Variants in EFCAB14 observed in about 807,000 individuals in gnomAD.
EFCAB14 encodes EF-hand calcium binding domain 14.
EFCAB14 carries 43 observed loss-of-function variants against 56.5 expected under a neutral mutation model. That is an observed-to-expected ratio of 0.76 (90% confidence interval 0.60 to 0.98). The LOEUF (loss-of-function observed/expected upper bound fraction) is 0.98, where lower values mean the gene tolerates loss of function less well. Among genes scored for constraint, EFCAB14 ranks in the 50% least tolerant of loss-of-function variants. EFCAB14 has a pLI of 0.00. For missense variants in EFCAB14, 538 were observed against 580.3 expected (o/e 0.93, Z 0.75); for synonymous variants, 235 against 212.9 (o/e 1.10, Z -0.90).
intron 4 of EFCAB14, among the ~76,000 whole-genome samples, chr1:46,694,470 A>G (rs1289182427): frequency 3.3e-5 from 5 of 152,250 alleles, no homozygotes; most frequent in Non-Finnish European, 7.3e-5. Context: ...CAACAGACAC[A>G]TGAAAAAATG....
intron 3 of EFCAB14, among the ~76,000 whole-genome samples, chr1:46,700,021 C>G (rs1677132553): frequency 6.6e-6 from 1 of 152,162 alleles, no homozygotes; most frequent in Non-Finnish European, 1.5e-5. Flanking sequence ...AGTGAGGAAC[C>G]TCCAGCCCCA....
intron 2 of EFCAB14, among the ~76,000 whole-genome samples, chr1:46,712,827 G>A (rs1677328843): frequency 6.7e-6 from 1 of 149,388 alleles, no homozygotes; most frequent in Non-Finnish European, 1.5e-5. Context: ...GGCCAACAAG[G>A]TGAAACCCTG....
At chr1:46,694,471 T>A (rs1331508698) in intron 4 of EFCAB14, among the ~76,000 whole-genome samples, 6 of 152,090 alleles carry the variant, frequency 3.9e-5, no homozygotes, top group Non-Finnish European at 5.9e-5. Flanking sequence ...AACAGACACA[T>A]GAAAAAATGC....
intron 4 of EFCAB14, among the ~76,000 whole-genome samples, chr1:46,692,812 TTCTC>T (rs1388782078): frequency 2.6e-4 from 40 of 152,220 alleles, no homozygotes; most frequent in African/African-American, 9.4e-4. Context: ...ACAGGACTCT[TTCTC>T]TATCAATCAA....
At chr1:46,681,948 C>T (rs899481241) in intron 10 of EFCAB14, among the ~76,000 whole-genome samples, 1 of 151,698 alleles carries the variant, frequency 6.6e-6, no homozygotes, top group Non-Finnish European at 1.5e-5. Context: ...CACTTCCCCT[C>T]CTCCCCAGAA....
At chr1:46,693,079 TG>T (rs928433309) in intron 4 of EFCAB14, among the ~76,000 whole-genome samples, 1 of 151,848 alleles carries the variant, frequency 6.6e-6, no homozygotes, top group African/African-American at 2.4e-5. Context: ...ACTGCAGAGA[TG>T]AAAAAAAAGT....
chr1:46,694,443 G>C (rs531199385), intron 4 of EFCAB14, among the ~76,000 whole-genome samples: 1 of 152,310 alleles, frequency 6.6e-6, no homozygotes, highest in South Asian at 2.1e-4. Context: ...CTTCTCAAAA[G>C]AAGACATTTA....
chr1:46,705,713 C>T (rs376977681), intron 3 of EFCAB14, among the ~76,000 whole-genome samples: 44 of 152,244 alleles, frequency 2.9e-4, no homozygotes, highest in African/African-American at 8.7e-4. Context: ...CTGAAATAAA[C>T]GGATAAATAT....
rs563573200 is a variant in EFCAB14 at position 46,689,307 on chromosome 1, G to C, written c.795+280C>G. Among the ~76,000 whole-genome samples, 38 of 152,186 alleles carry C rather than the reference G, an allele frequency of 2.5e-4. 1 individual carries two copies. The highest frequency in any genetic ancestry group is 7.0e-4 in the African/African-American group (29 of 41,524). On this transcript the variant is annotated intron_variant, in intron 6 of 10. Coordinates refer to ENST00000371933, the MANE Select transcript of EFCAB14 (RefSeq NM_014774.3). ...GCCCAGATAGCTATTTTTTCATAAA[G>C]AGTTTCAGGATAATCTGCTCATTCT...
At position 46,678,221 on chromosome 1, in the gene EFCAB14, A is replaced by G. The variant is rs1365918493; in HGVS notation, c.*240T>C. ...GAGGGCTTTAATTTTTTTTCTGGCA[A>G]TTTTAAAATGTAAGATCTTACTGGT... On this transcript the variant is annotated 3_prime_UTR_variant, in exon 11 of 11. Transcript: ENST00000371933. 1.2e-5 allele frequency: 4 copies of G among 346,714 alleles called. No homozygotes were observed. Among genetic ancestry groups the G allele is most frequent in the Admixed American group, 4.8e-5 (1 of 20,886 alleles). 21.5% of individuals were successfully genotyped at this position (346,714 alleles called of 1,614,324 possible). A position where few individuals can be genotyped will look rare whatever the true frequency, so the allele number is the denominator to read the frequency against.
Position 46,678,482 on chromosome 1 carries a change from T to G in EFCAB14, c.1467A>C (p.Leu489=). Residue 489 remains leucine, a synonymous_variant, in exon 11 of 11, where the codon CTA becomes CTC. Coordinates refer to ENST00000371933, the MANE Select transcript of EFCAB14 (RefSeq NM_014774.3). ...DGDGRYSFLE[L]RVALGI is the part of the protein sequence containing the mutation. ...GAAGCTAGATACCTAAAGCTACCCT[T>G]AGCTCCAGGAATGAGTATCTTCCAT... The G allele has an allele frequency of 6.2e-7, 1 of 1,614,170 alleles. No individual in the cohort carries two copies. The highest frequency in any genetic ancestry group is 8.5e-7 in the Non-Finnish European group (1 of 1,180,032).
Position 46,678,225 on chromosome 1 carries a change from T to A in EFCAB14, c.*236A>T. The A allele has an allele frequency of 2.8e-6, 1 of 354,298 alleles. No individual in the cohort carries two copies. The allele number at this position is 354,298 out of a possible 1,614,324, so 21.9% of individuals were successfully genotyped here. On this transcript the variant is annotated 3_prime_UTR_variant, in exon 11 of 11. Coordinates refer to ENST00000371933, the MANE Select transcript of EFCAB14 (RefSeq NM_014774.3). ...GCTTTAATTTTTTTTCTGGCAATTT[T>A]AAAATGTAAGATCTTACTGGTTGTA...
chr1:46,695,241 T>C (rs1446486909), intron 4 of EFCAB14, among the ~76,000 whole-genome samples: 1 of 152,116 alleles, frequency 6.6e-6, no homozygotes, highest in Non-Finnish European at 1.5e-5. Context: ...ATAAACCAGT[T>C]TCCTTTTCTA....
intron 2 of EFCAB14, among the ~76,000 whole-genome samples, chr1:46,709,990 AAAAC>A (rs561833330): frequency 6.6e-5 from 10 of 152,296 alleles, no homozygotes; most frequent in East Asian, 3.9e-4. Flanking sequence ...CTCCATCTCA[AAAAC>A]AAACAAACAA....
intron 2 of EFCAB14, among the ~76,000 whole-genome samples, chr1:46,709,106 A>C (rs1677272857): frequency 6.6e-6 from 1 of 152,176 alleles, no homozygotes; most frequent in African/African-American, 2.4e-5. Context: ...TCATTTGTTC[A>C]TGTGCTATTT....
At chr1:46,716,614 A>C (rs1677399453) in intron 1 of EFCAB14, among the ~76,000 whole-genome samples, 171 bp from the exon 2 acceptor site, 1 of 152,250 alleles carries the variant, frequency 6.6e-6, no homozygotes, top group Non-Finnish European at 1.5e-5. Flanking sequence ...TGACCTATTA[A>C]GGGTTCATCT....
intron 10 of EFCAB14, among the ~76,000 whole-genome samples, chr1:46,679,602 T>G (rs1458031211): frequency 2.7e-4 from 11 of 40,908 alleles, no homozygotes; most frequent in Admixed American, 6.0e-4. Flanking sequence ...CACGCCTGTT[T>G]TTTTTTTTTT....
rs747716183 is a variant in EFCAB14, at chr1:46,689,638, A to G, written c.744T>C (p.Pro248=). Reference sequence around the variant, plus strand: ...TATTGTCAAGTTCTGATGTGGCTGAAGGTGACGGAATGATCTGGTTGCTTC... The same window carrying G: ...TATTGTCAAGTTCTGATGTGGCTGAGGGTGACGGAATGATCTGGTTGCTTC... ...TPGSNQIIPS[P]SATSELDNKT... The change falls in exon 6 of 11, where the codon CCT becomes CCC. Residue 248 remains proline (P), a synonymous_variant. Transcript: ENST00000371933. 6.2e-7 allele frequency: 1 copy of G among 1,613,950 alleles called. No individual in the cohort carries two copies. The highest frequency in any genetic ancestry group is 8.5e-7 in the Non-Finnish European group (1 of 1,179,810).
intron 10 of EFCAB14, among the ~76,000 whole-genome samples, chr1:46,679,545 C>T (rs1449527496): frequency 6.1e-5 from 9 of 147,188 alleles, no homozygotes; most frequent in Admixed American, 1.4e-4. Flanking sequence ...TCAGGTGATT[C>T]GCCCACCTGG....
Sources: gnomAD v4.1 joint callset for allele counts (sites outside exome capture counted in the v4.1 genomes callset) on GRCh38, gnomAD v4.1.1 for gene constraint, MANE v1.5 for transcripts, NCBI Gene and HGNC (gene_info 2026-07-23, HGNC 2026-07-21) for gene names.